The following RBM33 variants were observed in gnomAD, a reference collection of about 807,000 sequenced individuals.
RBM33 encodes the protein RNA-binding protein 33.
Under a neutral mutation model 132.6 loss-of-function variants are expected in RBM33, and 28 were observed. The observed-to-expected ratio is 0.21, with a 90% CI of 0.16 to 0.29. The LOEUF (loss-of-function observed/expected upper bound fraction) is 0.29. Among genes scored for constraint, RBM33 ranks in the 10% least tolerant of loss-of-function variants. The probability of loss-of-function intolerance (pLI) is 1.00; values close to 1 mark genes in which losing one functional copy is unlikely to be tolerated. For missense variants in RBM33, 1,291 were observed against 1,518.5 expected, an observed-to-expected ratio of 0.85 and a Z score of 2.49; for synonymous variants, 634 against 593.0, an observed-to-expected ratio of 1.07 and a Z score of -1.01.
intron 14 of RBM33, among the ~76,000 whole-genome samples, chr7:155,758,461 G>T (rs1366954501): frequency 6.6e-6 from 1 of 152,098 alleles, no homozygotes; most frequent in Admixed American, 6.5e-5. Context: ...TCCCTCGCGT[G>T]GGCAGTTCAC....
chr7:155,736,115 G>A lies in RBM33; in HGVS notation c.1261-1415G>A, dbSNP rs530040661. Among the ~76,000 whole-genome samples the A allele has an allele frequency of 2.0e-4, 30 of 152,308 alleles. No homozygotes were observed. The South Asian group carries it at 5.6e-3, about 28-fold the overall frequency. On this transcript the variant is annotated intron_variant, in intron 9 of 17. Transcript: ENST00000401878. Reference sequence around the variant, plus strand: ...TAGCCAACAATCTTAAGGGTTTGTGGTGTTTATACTAGTGTTCATTTTGTC... The same window carrying A: ...TAGCCAACAATCTTAAGGGTTTGTGATGTTTATACTAGTGTTCATTTTGTC...
At chr7:155,753,791 C>G (rs1048004829) in intron 14 of RBM33, among the ~76,000 whole-genome samples, 2 of 152,192 alleles carry the variant, frequency 1.3e-5, no homozygotes, top group East Asian at 3.8e-4. Flanking sequence ...GCAGGCACCT[C>G]ATGCCTGCCA....
intron 10 of RBM33, 109 bp from the exon 11 acceptor site, chr7:155,737,951 T>C (rs1801183007): frequency 2.0e-6 from 2 of 998,492 alleles, no homozygotes; most frequent in East Asian, 4.8e-5. Flanking sequence ...ATTCATAACC[T>C]GTCAACACTT....
chr7:155,712,324 G>A lies in RBM33; in HGVS notation c.1201+869G>A, dbSNP rs185699693. ...GAAACGGTTTTTGAGCAGTTTATAC[G>A]AAGCTTTAACTTCATGTACCTGTGA... On this transcript the variant is annotated intron_variant, in intron 8 of 17. Coordinates refer to ENST00000401878, the MANE Select transcript of RBM33 (RefSeq NM_053043.3). Among the ~76,000 whole-genome samples, 561 of 152,268 alleles carry A rather than the reference G, an allele frequency of 3.7e-3. 1 individual carries two copies. Among genetic ancestry groups the A allele is most frequent in the Non-Finnish European group, 5.4e-3 (370 of 68,024 alleles).
chr7:155,695,935 C>CGTGT (rs367596855), intron 5 of RBM33, among the ~76,000 whole-genome samples: 8 of 150,338 alleles, frequency 5.3e-5, no homozygotes, highest in African/African-American at 7.4e-5. Flanking sequence ...TATGTGCGCA[C>CGTGT]GTGTGTGTGT....
chr7:155,777,362 G>A lies in RBM33; in HGVS notation c.*2321G>A, dbSNP rs1802648469. 6.6e-6 allele frequency: 1 copy of A among 152,252 alleles called. No homozygotes were observed. Among genetic ancestry groups the A allele is most frequent in the Non-Finnish European group, 1.5e-5 (1 of 68,060 alleles). The allele number at this position is 152,252 out of a possible 1,614,324, so 9.4% of individuals were successfully genotyped here. A position where few individuals can be genotyped will look rare whatever the true frequency, so the allele number is the denominator to read the frequency against. ...CAAAGTCATGCAGGCCCGCCTTAAA[G>A]CGCTGATTAGAACAGTCCAACACAG... On this transcript the variant is annotated 3_prime_UTR_variant, in exon 18 of 18. Transcript: ENST00000401878.
chr7:155,694,842 T>A (rs989949778), intron 5 of RBM33, among the ~76,000 whole-genome samples: 3 of 152,228 alleles, frequency 2.0e-5, no homozygotes, highest in African/African-American at 4.8e-5. Context: ...TTTGTTATTA[T>A]GAATAAAGCT....
Position 155,740,006 on chromosome 7 carries a change from C to A in RBM33, c.2029C>A (p.Gln677Lys), listed in dbSNP as rs896074548. The change falls in exon 12 of 18, where the codon CAG becomes AAG. Residue 677 changes from glutamine to lysine, a missense_variant. Gln to Lys is a moderately conservative substitution (Grantham distance 53, BLOSUM62 1). This residue lies in a region of RBM33 where 841 missense variants were observed against 912.0 expected (regional missense o/e 0.92). Coordinates refer to ENST00000401878, the MANE Select transcript of RBM33 (RefSeq NM_053043.3). Reference protein sequence around the residue: ...QASSSRMQCPQRQGLRHNTTS... With the variant: ...QASSSRMQCPKRQGLRHNTTS... The stretch of plus-strand genomic sequence containing the variant: ...CAGCAGCAGCCGGATGCAGTGCCCC[C>A]AGCGCCAGGGGCTCCGGCATGTAAG... 2 of 1,556,774 alleles carry A rather than the reference C, an allele frequency of 1.3e-6. No individual in the cohort carries two copies. The highest frequency in any genetic ancestry group is 1.7e-6 in the Non-Finnish European group (2 of 1,147,400).
intron 16 of RBM33, among the ~76,000 whole-genome samples, chr7:155,772,865 G>A (rs1186695925): frequency 6.6e-6 from 1 of 152,198 alleles, no homozygotes; most frequent in Non-Finnish European, 1.5e-5. Context: ...AAACGCTGTT[G>A]TAGAAGCACT....
At chr7:155,747,595 A>G (rs140670043) in intron 14 of RBM33, among the ~76,000 whole-genome samples, 7 of 152,380 alleles carry the variant, frequency 4.6e-5, no homozygotes, top group Non-Finnish European at 2.9e-5. Context: ...GAAAAAATTT[A>G]TATCAGACCT....
At chr7:155,707,390 A>G (rs10278893) in intron 7 of RBM33, 125,907 of 493,604 alleles carry the variant, frequency 0.26, 17,452 homozygotes, top group Admixed American at 0.44. Context: ...GGTATTTCTG[A>G]GTGCATTACA....
intron 6 of RBM33, chr7:155,701,157 T>G (rs567596025): frequency 1.4e-5 from 8 of 579,242 alleles, no homozygotes; most frequent in Admixed American, 6.6e-5. Context: ...AATGCTTGAA[T>G]AAAATGTTTA....
At chr7:155,703,341 A>G (rs1400109510) in intron 6 of RBM33, among the ~76,000 whole-genome samples, 1 of 152,170 alleles carries the variant, frequency 6.6e-6, no homozygotes, top group African/African-American at 2.4e-5. Flanking sequence ...GTGGTGGGCA[A>G]GTCCTCTCCT....
At chr7:155,713,890 G>C (rs1184432854) in intron 8 of RBM33, among the ~76,000 whole-genome samples, 2 of 152,152 alleles carry the variant, frequency 1.3e-5, no homozygotes, top group Non-Finnish European at 2.9e-5. Context: ...GGCTTGCTGA[G>C]GGGGAGGAGC....
intron 9 of RBM33, among the ~76,000 whole-genome samples, chr7:155,730,260 T>C (rs925586524): frequency 1.3e-5 from 2 of 152,184 alleles, no homozygotes; most frequent in Non-Finnish European, 2.9e-5. Flanking sequence ...TGGTACTTTA[T>C]GAGGGATTTC....
chr7:155,662,112 A>G (rs1217595313), intron 1 of RBM33, among the ~76,000 whole-genome samples: 2 of 152,070 alleles, frequency 1.3e-5, no homozygotes, highest in African/African-American at 2.4e-5. Context: ...GTTGCTCCGC[A>G]GTGACCACAG....
Position 155,644,843 on chromosome 7 carries a change from TG to T in RBM33, c.-29del. On this transcript the variant is annotated 5_prime_UTR_variant, in exon 1 of 18. Coordinates refer to ENST00000401878, the MANE Select transcript of RBM33 (RefSeq NM_053043.3). ...CACGTCGGCCCACCAGCTGGCTTGGTGGGGGAGGCTGAAGGCCGGGCCCCGC... is the reference window on the plus strand; with the variant it reads ...CACGTCGGCCCACCAGCTGGCTTGGTGGGGAGGCTGAAGGCCGGGCCCCGC... 2.0e-6 allele frequency: 3 copies of T among 1,469,182 alleles called. No homozygotes were observed. Among genetic ancestry groups the T allele is most frequent in the Non-Finnish European group, 1.8e-6 (2 of 1,113,876 alleles). The allele number at this position is 1,469,182 out of a possible 1,614,324, so 91.0% of individuals were successfully genotyped here.
At position 155,774,707 on chromosome 7, in the gene RBM33, G is replaced by T. The variant is rs1802545949; in HGVS notation, c.3464+60G>T. ...GGGCGGGAGCAAGGCCCTCCTTCCTGTGCCCTCCCATCCATCATGGTAGCA... is the reference window on the plus strand; with the variant it reads ...GGGCGGGAGCAAGGCCCTCCTTCCTTTGCCCTCCCATCCATCATGGTAGCA... On this transcript the variant is annotated intron_variant, in intron 17 of 17. Coordinates refer to ENST00000401878, the MANE Select transcript of RBM33 (RefSeq NM_053043.3). The surrounding 1 kb of genome is among the most constrained non-coding windows in gnomAD (Gnocchi z 4.2). The T allele has an allele frequency of 7.6e-7, 1 of 1,319,328 alleles. No individual in the cohort carries two copies. The highest frequency in any genetic ancestry group is 2.3e-5 in the East Asian group (1 of 43,516). 81.7% of individuals were successfully genotyped at this position (1,319,328 alleles called of 1,614,324 possible).
intron 5 of RBM33, among the ~76,000 whole-genome samples, chr7:155,687,135 G>C (rs142170092): frequency 0.027 from 4,152 of 152,260 alleles, 71 homozygotes; most frequent in Middle Eastern, 0.037. Context: ...ATCCTCTCCA[G>C]CACCTGTTGT....
Sources: allele counts gnomAD v4.1 joint callset (sites outside exome capture counted in the v4.1 genomes callset), GRCh38; gene constraint gnomAD v4.1.1; regional missense constraint gnomAD v4.1.1; non-coding constraint Gnocchi (gnomAD v3.1); transcripts MANE v1.5; gene names NCBI Gene and HGNC (gene_info 2026-07-23, HGNC 2026-07-21).